The following INTS15 variants were observed in gnomAD, a reference collection of about 807,000 sequenced individuals.
INTS15 encodes integrator complex subunit 15.
At chr7:6,602,133 C>T in the INTS15 span, 17 of 1,612,990 alleles carry the variant, frequency 1.1e-5, no homozygotes, top group Non-Finnish European at 1.4e-5. Flanking sequence ...CAGGCTGCCC[C>T]ATAATAAGTA....
At chr7:6,590,469 G>C in the INTS15 span, 25 of 1,587,062 alleles carry the variant, frequency 1.6e-5, no homozygotes, top group African/African-American at 2.7e-5. Context: ...GCAGCGCGCA[G>C]CCCAAGGTGC....
chr7:6,607,638 A>G, the INTS15 span: 1 of 1,471,672 alleles, frequency 6.8e-7, no homozygotes, highest in Non-Finnish European at 9.1e-7. The surrounding 1 kb of genome is among the most constrained non-coding windows in gnomAD (Gnocchi z 6.0). Context: ...GACTGTGGCC[A>G]GCTGTTCTGT....
chr7:6,604,378 C>T, the INTS15 span, among the ~76,000 whole-genome samples: 1 of 152,186 alleles, frequency 6.6e-6, no homozygotes, highest in Non-Finnish European at 1.5e-5. Context: ...CATTATGCAT[C>T]TGCTACAAAT....
At chr7:6,603,198 C>T in the INTS15 span, among the ~76,000 whole-genome samples, 4 of 151,784 alleles carry the variant, frequency 2.6e-5, no homozygotes, top group Non-Finnish European at 5.9e-5. Flanking sequence ...TTCAGTGAGC[C>T]AAGAGCATGG....
At chr7:6,592,830 G>A in the INTS15 span, among the ~76,000 whole-genome samples, 3 of 152,014 alleles carry the variant, frequency 2.0e-5, no homozygotes, top group South Asian at 2.1e-4. Flanking sequence ...GACTGGTCAC[G>A]AACTCCTGAG....
chr7:6,599,922 C>G, the INTS15 span: 1 of 1,614,188 alleles, frequency 6.2e-7, no homozygotes. Context: ...TTAAATACTC[C>G]GATTGCGGCC....
At chr7:6,607,259 C>G in the INTS15 span, among the ~76,000 whole-genome samples, 1 of 152,012 alleles carries the variant, frequency 6.6e-6, no homozygotes, top group Non-Finnish European at 1.5e-5. This position sits in a 1 kb window ranked among gnomAD's most constrained non-coding sequence, Gnocchi z 6.0. Context: ...AAGTGCGGGC[C>G]GTGGTTGTGC....
At chr7:6,602,882 T>TG in the INTS15 span, 4 of 386,984 alleles carry the variant, frequency 1.0e-5, no homozygotes, top group East Asian at 2.9e-4. Flanking sequence ...AAGAAAACCA[T>TG]GGGACCTGCC....
the INTS15 span, chr7:6,591,555 C>A: frequency 1.7e-6 from 2 of 1,187,734 alleles, no homozygotes; most frequent in Non-Finnish European, 2.5e-6. Flanking sequence ...TGAGCCACCG[C>A]GCCCAGTCTA....
At chr7:6,602,723 C>A in the INTS15 span, 1 of 471,152 alleles carries the variant, frequency 2.1e-6, no homozygotes, top group South Asian at 1.5e-5. Flanking sequence ...CTCCTTGCCA[C>A]GTGGAGACCT....
chr7:6,602,723 C>T, the INTS15 span: 7 of 471,034 alleles, frequency 1.5e-5, no homozygotes, highest in Admixed American at 7.0e-5. Context: ...CTCCTTGCCA[C>T]GTGGAGACCT....
At chr7:6,599,923 G>A in the INTS15 span, 25 of 1,614,052 alleles carry the variant, frequency 1.5e-5, no homozygotes, top group South Asian at 3.3e-5. Flanking sequence ...TAAATACTCC[G>A]ATTGCGGCCA....
chr7:6,599,817 C>CT, the INTS15 span: 3 of 1,609,858 alleles, frequency 1.9e-6, no homozygotes, highest in Admixed American at 5.0e-5. Context: ...ACCTAATGGT[C>CT]TTTGTTTGCA....
At chr7:6,603,421 C>T in the INTS15 span, among the ~76,000 whole-genome samples, 12 of 151,540 alleles carry the variant, frequency 7.9e-5, no homozygotes, top group African/African-American at 1.5e-4. Flanking sequence ...GTGGCATGCA[C>T]CTGTAATCAC....
the INTS15 span, chr7:6,591,943 G>A: frequency 1.1e-5 from 15 of 1,385,642 alleles, no homozygotes; most frequent in Non-Finnish European, 1.5e-5. Flanking sequence ...AAGCTGAGGT[G>A]GGCGGATCAC....
the INTS15 span, among the ~76,000 whole-genome samples, chr7:6,605,660 G>C: frequency 5.3e-5 from 8 of 152,038 alleles, no homozygotes; most frequent in Non-Finnish European, 5.9e-5. Flanking sequence ...CACTGCTGTT[G>C]GGGAAGGACA....
the INTS15 span, chr7:6,590,511 AGGCG>A: frequency 6.6e-7 from 1 of 1,514,714 alleles, no homozygotes; most frequent in Non-Finnish European, 8.8e-7. Context: ...CGGGCCCCGC[AGGCG>A]GGCGGGCGGG....
the INTS15 span, among the ~76,000 whole-genome samples, chr7:6,593,845 C>G: frequency 1.3e-5 from 2 of 151,186 alleles, no homozygotes; most frequent in Non-Finnish European, 2.9e-5. Flanking sequence ...GAGATGGGTT[C>G]TTGCTGTGTT....
the INTS15 span, chr7:6,607,451 T>TG: frequency 8.2e-6 from 7 of 855,932 alleles, no homozygotes; most frequent in Non-Finnish European, 1.1e-5. This position sits in a 1 kb window ranked among gnomAD's most constrained non-coding sequence, Gnocchi z 6.0. Flanking sequence ...GGGTGGGAGG[T>TG]GGGTGGGTCC....
Sources: allele counts gnomAD v4.1 joint callset (sites outside exome capture counted in the v4.1 genomes callset), GRCh38; gene constraint gnomAD v4.1.1; non-coding constraint Gnocchi (gnomAD v3.1); transcripts MANE v1.5; gene names NCBI Gene and HGNC (gene_info 2026-07-23, HGNC 2026-07-21).